TMEM131: variants seen among roughly 807,000 people sequenced by gnomAD.
TMEM131 encodes transmembrane protein 131.
TMEM131 carries 66 observed loss-of-function variants against 211.6 expected under a neutral mutation model. The ratio of observed to expected loss-of-function variants is 0.31; its 90% confidence interval spans 0.26 to 0.38. The LOEUF (loss-of-function observed/expected upper bound fraction) is 0.38, where lower values mean the gene tolerates loss of function less well. Ranked by LOEUF, TMEM131 falls within the 10% of genes least tolerant of loss-of-function variation. The probability of loss-of-function intolerance (pLI) is 1.00; values close to 1 mark genes in which losing one functional copy is unlikely to be tolerated. For missense variants in TMEM131, 2,036 were observed against 2,299.3 expected (o/e 0.89, Z 2.34); for synonymous variants, 844 against 841.3 (o/e 1.00, Z -0.06).
Position 97,793,462 on chromosome 2 carries a change from T to G in TMEM131, c.3478A>C (p.Asn1160His). The change falls in exon 30 of 41, where the codon AAC becomes CAC. Residue 1160 changes from asparagine (N) to histidine (H), a missense_variant. Coordinates refer to ENST00000186436, the MANE Select transcript of TMEM131 (RefSeq NM_015348.2). The part of the protein sequence containing the change: ...FRRRLSFEAS[N>H]PPFDVGRPFD... ...GGCCTTCCCACATCGAAGGGCGGGT[T>G]CGAGGCCTCAAAGGATAGCCGCCTT... 1.2e-6 allele frequency: 2 copies of G among 1,614,008 alleles called. No homozygotes were observed. Among genetic ancestry groups the G allele is most frequent in the South Asian group, 1.1e-5 (1 of 91,078 alleles).
At chr2:97,952,524 T>G (rs574146583) in intron 1 of TMEM131, among the ~76,000 whole-genome samples, 2 of 152,224 alleles carry the variant, frequency 1.3e-5, no homozygotes, top group Non-Finnish European at 1.5e-5. Context: ...ACCATGAAAG[T>G]GCAAAAGGAG....
At chr2:97,817,778 C>T (rs915808093) in intron 12 of TMEM131, among the ~76,000 whole-genome samples, 1 of 152,186 alleles carries the variant, frequency 6.6e-6, no homozygotes, top group African/African-American at 2.4e-5. Flanking sequence ...CCAGTGTCCT[C>T]CTACATTCAT....
intron 31 of TMEM131, among the ~76,000 whole-genome samples, chr2:97,777,957 T>A (rs1488840563): frequency 6.6e-6 from 1 of 152,216 alleles, no homozygotes; most frequent in Non-Finnish European, 1.5e-5. Context: ...CTCCATGAGC[T>A]CTGGGATTTC....
intron 2 of TMEM131, among the ~76,000 whole-genome samples, chr2:97,910,938 G>A (rs1159393963): frequency 6.6e-6 from 1 of 152,072 alleles, no homozygotes; most frequent in African/African-American, 2.4e-5. Context: ...ATGCCCAAGA[G>A]AAACAAAAGC....
chr2:97,942,563 C>A (rs765957003), intron 1 of TMEM131, among the ~76,000 whole-genome samples: 10 of 150,968 alleles, frequency 6.6e-5, no homozygotes, highest in Non-Finnish European at 7.4e-5. Flanking sequence ...TCCAATCTTA[C>A]AGTAAAAGGG....
intron 1 of TMEM131, among the ~76,000 whole-genome samples, chr2:97,966,758 A>G (rs929707293): frequency 1.3e-5 from 2 of 152,208 alleles, no homozygotes; most frequent in East Asian, 1.9e-4. Flanking sequence ...CACCAACCCT[A>G]GAAGACAGGT....
intron 4 of TMEM131, among the ~76,000 whole-genome samples, chr2:97,868,023 A>G (rs528914771): frequency 6.6e-6 from 1 of 152,270 alleles, no homozygotes; most frequent in Admixed American, 6.5e-5. Context: ...TGGTCCATTG[A>G]GCTCCTTACT....
At chr2:97,840,840 T>C (rs1270621860) in intron 7 of TMEM131, among the ~76,000 whole-genome samples, 2 of 152,184 alleles carry the variant, frequency 1.3e-5, no homozygotes, top group African/African-American at 2.4e-5. Context: ...TTGCCAAGTG[T>C]TGGGGAGAGA....
intron 1 of TMEM131, among the ~76,000 whole-genome samples, chr2:97,934,163 T>C (rs893054430): frequency 1.3e-5 from 2 of 152,156 alleles, no homozygotes; most frequent in African/African-American, 2.4e-5. Flanking sequence ...TAAGTACATA[T>C]AGCAAAGTTG....
At chr2:97,945,321 A>G (rs191759485) in intron 1 of TMEM131, among the ~76,000 whole-genome samples, 1 of 152,288 alleles carries the variant, frequency 6.6e-6, no homozygotes, top group African/African-American at 2.4e-5. Context: ...TGTGACTCCT[A>G]TTGTATAAAG....
At position 97,812,423 on chromosome 2, in the gene TMEM131, A is replaced by G; in HGVS notation, c.1861T>C (p.Ser621Pro). ...GAGACAATAGAAAGTTTACTTACCG[A>G]TGATTGATCTGATAAAGAGGATTTT... ...FEKSSLSDQSSVTLASGYFAV... is the reference protein window; with the variant it reads ...FEKSSLSDQSPVTLASGYFAV... The change falls in exon 17 of 41, where the codon TCG becomes CCG. Residue 621 changes from serine to proline, a missense_variant and splice_region_variant. This residue lies in a region of TMEM131 where 1,623 missense variants were observed against 1,805.9 expected (regional missense o/e 0.90). Coordinates refer to ENST00000186436, the MANE Select transcript of TMEM131 (RefSeq NM_015348.2). 1 of 1,599,100 alleles carries G rather than the reference A, an allele frequency of 6.3e-7. No homozygotes were observed. The highest frequency in any genetic ancestry group is 8.5e-7 in the Non-Finnish European group (1 of 1,175,934).
intron 3 of TMEM131, among the ~76,000 whole-genome samples, chr2:97,892,278 G>A (rs955922273): frequency 4.6e-5 from 7 of 152,066 alleles, no homozygotes; most frequent in African/African-American, 1.7e-4. Context: ...TTTTACCCTG[G>A]TCCTGGTTTA....
intron 35 of TMEM131, chr2:97,764,190 T>G (rs973633607): frequency 3.3e-5 from 5 of 152,314 alleles, no homozygotes; most frequent in African/African-American, 7.2e-5. Flanking sequence ...ACATGCTGGC[T>G]GCACAGTCTT....
At chr2:97,842,264 G>T (rs1411065506) in intron 6 of TMEM131, among the ~76,000 whole-genome samples, 1 of 152,132 alleles carries the variant, frequency 6.6e-6, no homozygotes, top group Non-Finnish European at 1.5e-5. Flanking sequence ...TGGATCTACG[G>T]CCCAGACAAC....
chr2:97,853,685 T>C (rs1032185966), intron 5 of TMEM131, among the ~76,000 whole-genome samples: 1 of 151,870 alleles, frequency 6.6e-6, no homozygotes, highest in Admixed American at 6.6e-5. Flanking sequence ...TGGAAGAAGT[T>C]AATCCCAACC....
chr2:97,911,274 G>C lies in TMEM131; in HGVS notation c.250-2576C>G, dbSNP rs987059462. The stretch of plus-strand genomic sequence containing the variant: ...TCCTGACAGTGACAGAAAGCAGACT[G>C]GTGGTTGCCTAAAGATAAGGAGCGT... On this transcript the variant is annotated intron_variant, in intron 2 of 40. Transcript: ENST00000186436. Among the ~76,000 whole-genome samples, 5 of 152,166 alleles carry C rather than the reference G, an allele frequency of 3.3e-5. No homozygotes were observed. The South Asian group carries it at 1.0e-3, about 32-fold the overall frequency.
chr2:97,859,991 G>C (rs1038380220), intron 4 of TMEM131, among the ~76,000 whole-genome samples: 1 of 152,222 alleles, frequency 6.6e-6, no homozygotes, highest in Non-Finnish European at 1.5e-5. Flanking sequence ...CGCCAGTACT[G>C]AACTGCCTCT....
intron 4 of TMEM131, among the ~76,000 whole-genome samples, chr2:97,886,002 C>G: frequency 6.6e-6 from 1 of 152,042 alleles, no homozygotes; most frequent in Non-Finnish European, 1.5e-5. Flanking sequence ...TTCAAAAGAT[C>G]TGTCTTCAAG....
intron 1 of TMEM131, among the ~76,000 whole-genome samples, chr2:97,932,881 T>G (rs925521027): frequency 5.4e-5 from 8 of 148,226 alleles, no homozygotes; most frequent in African/African-American, 2.1e-4. Context: ...AATGCAGTCA[T>G]GTACCATGTA....
Sources: allele counts gnomAD v4.1 joint callset (sites outside exome capture counted in the v4.1 genomes callset), GRCh38; gene constraint gnomAD v4.1.1; regional missense constraint gnomAD v4.1.1; transcripts MANE v1.5; gene names NCBI Gene and HGNC (gene_info 2026-07-23, HGNC 2026-07-21).